Variants in CREM observed in about 807,000 individuals in gnomAD.
CREM encodes the protein cAMP responsive element modulator.
A neutral mutation model predicts 37.3 loss-of-function variants in CREM; 13 were observed. That is an observed-to-expected ratio of 0.35 (90% CI 0.23 to 0.55). The LOEUF (loss-of-function observed/expected upper bound fraction) is 0.55, where lower values mean the gene tolerates loss of function less well. Ranked by LOEUF, CREM falls within the 20% of genes least tolerant of loss-of-function variation. The pLI is 0.88. For missense variants in CREM, 296 were observed against 362.3 expected, an observed-to-expected ratio of 0.82 and a Z score of 1.49; for synonymous variants, 124 against 120.2, an observed-to-expected ratio of 1.03 and a Z score of -0.21.
rs376837898 is a variant in CREM, at chr10:35,207,667, G to A, written c.755+616G>A. Among the ~76,000 whole-genome samples the A allele has an allele frequency of 2.6e-4, 39 of 152,012 alleles. 1 individual carries two copies. In the South Asian group the frequency reaches 6.8e-3, roughly 27 times the overall value. ...TGTGCACCTGTAATCCCAGCTACTC[G>A]GGAGGCTGAGGCAAGAGAATCACTT... On this transcript the variant is annotated intron_variant, in intron 7 of 7. Coordinates refer to ENST00000685392, the MANE Select transcript of CREM (RefSeq NM_183011.2).
At chr10:35,137,758 T>A (rs1283373385) in intron 1 of CREM, 24 bp from the exon 2 acceptor site, 2 of 1,130,702 alleles carry the variant, frequency 1.8e-6, no homozygotes, top group African/African-American at 3.2e-5. Context: ...GATCTCCCAA[T>A]TCAACATTAT....
At chr10:35,195,765 G>C in intron 6 of CREM, 1 of 466,422 alleles carries the variant, frequency 2.1e-6, no homozygotes, top group East Asian at 4.0e-5. Context: ...AGCTAATTGA[G>C]TTCAAAAGGC....
intron 3 of CREM, among the ~76,000 whole-genome samples, chr10:35,177,355 CAAG>C (rs1265717105): frequency 6.6e-6 from 1 of 152,160 alleles, no homozygotes; most frequent in African/African-American, 2.4e-5. Context: ...AATTATAAAA[CAAG>C]AAAGTCTTTC....
At chr10:35,159,305 A>G (rs1490200427) in intron 3 of CREM, among the ~76,000 whole-genome samples, 1 of 152,182 alleles carries the variant, frequency 6.6e-6, no homozygotes, top group Non-Finnish European at 1.5e-5. Context: ...TGAAGGCATC[A>G]CACTACCTGA....
In CREM at chr10:35,126,872, T is replaced by C. The variant is rs1041304433; in HGVS notation, c.-376T>C. On this transcript the variant is annotated 5_prime_UTR_variant, in exon 1 of 8. Transcript: ENST00000685392. Reference sequence around the variant, plus strand: ...TTGTTGGATTGTGGCGCTTCACTCCTGCTGGCGGCCGGCAGGGGGCGGAGT... The same window carrying C: ...TTGTTGGATTGTGGCGCTTCACTCCCGCTGGCGGCCGGCAGGGGGCGGAGT... 7 of 152,350 alleles carry C rather than the reference T, an allele frequency of 4.6e-5. No homozygotes were observed. Among genetic ancestry groups the C allele is most frequent in the Admixed American group, 2.6e-4 (4 of 15,308 alleles). The allele number at this position is 152,350 out of a possible 1,614,324, so 9.4% of individuals were successfully genotyped here.
At chr10:35,136,532 G>A (rs1403933763) in intron 1 of CREM, among the ~76,000 whole-genome samples, 1 of 152,128 alleles carries the variant, frequency 6.6e-6, no homozygotes, top group Non-Finnish European at 1.5e-5. Context: ...ACTGTCTCTT[G>A]TCCCTATGCT....
chr10:35,148,197 G>A (rs1162893453), intron 2 of CREM, among the ~76,000 whole-genome samples, 171 bp from the exon 3 acceptor site: 3 of 152,134 alleles, frequency 2.0e-5, no homozygotes, highest in Non-Finnish European at 4.4e-5. Context: ...TTGAGCCATA[G>A]CATGAGGTCA....
chr10:35,158,809 G>GTT (rs1320223245), intron 3 of CREM, among the ~76,000 whole-genome samples: 1 of 69,512 alleles, frequency 1.4e-5, no homozygotes, highest in African/African-American at 3.7e-5. Flanking sequence ...TTTTTTTTTT[G>GTT]TTGTTTTGTT....
At chr10:35,209,762 T>TTA (rs1255277657) in intron 7 of CREM, among the ~76,000 whole-genome samples, 1 of 152,196 alleles carries the variant, frequency 6.6e-6, no homozygotes, top group Non-Finnish European at 1.5e-5. Flanking sequence ...TGGAAAAGAG[T>TTA]TAAATTATGT....
At chr10:35,201,516 A>T in intron 6 of CREM, 2 of 1,551,492 alleles carry the variant, frequency 1.3e-6, no homozygotes, top group Non-Finnish European at 1.7e-6. Flanking sequence ...TAGAACCCAG[A>T]CTCCAAACCC....
intron 3 of CREM, among the ~76,000 whole-genome samples, chr10:35,164,444 G>A (rs2093439384): frequency 6.6e-6 from 1 of 152,196 alleles, no homozygotes; most frequent in Non-Finnish European, 1.5e-5. Flanking sequence ...ATTTTTTATA[G>A]TTTTATAAGC....
intron 3 of CREM, among the ~76,000 whole-genome samples, chr10:35,151,239 AAAT>A (rs1398339782): frequency 1.3e-5 from 2 of 152,260 alleles, no homozygotes; most frequent in African/African-American, 4.8e-5. Flanking sequence ...TAAAAATCTC[AAAT>A]AATGTTGTAT....
At chr10:35,202,731 C>T (rs747520290) in intron 6 of CREM, among the ~76,000 whole-genome samples, 13 of 152,088 alleles carry the variant, frequency 8.5e-5, no homozygotes, top group South Asian at 2.1e-4. Context: ...TGAACTAATG[C>T]GCTTGTCATT....
chr10:35,154,174 A>G lies in CREM; in HGVS notation c.168+5683A>G, dbSNP rs1176945702. On this transcript the variant is annotated intron_variant, in intron 3 of 7. Transcript: ENST00000685392. ...GGAAATGTTGTCATGTGCGAGTTGT[A>G]AATTTTCTTTTTTAATCTGGTGGAA... The G allele has an allele frequency of 1.5e-5, 6 of 398,274 alleles. No homozygotes were observed. The East Asian group carries it at 1.8e-4, about 12-fold the overall frequency. The allele number at this position is 398,274 out of a possible 1,614,324, so 24.7% of individuals were successfully genotyped here.
chr10:35,157,863 C>A (rs2093014457), intron 3 of CREM, among the ~76,000 whole-genome samples: 1 of 136,582 alleles, frequency 7.3e-6, no homozygotes, highest in African/African-American at 2.5e-5. Context: ...CCAGAAAAAC[C>A]TGTTAGATCT....
At chr10:35,129,973 G>A (rs571533874) in intron 1 of CREM, among the ~76,000 whole-genome samples, 18 of 152,096 alleles carry the variant, frequency 1.2e-4, no homozygotes, top group African/African-American at 3.9e-4. Context: ...GAGGCAGGCG[G>A]ATCGCCTGAG....
intron 5 of CREM, among the ~76,000 whole-genome samples, chr10:35,187,459 C>G (rs1291218151): frequency 2.7e-5 from 4 of 149,630 alleles, no homozygotes; most frequent in African/African-American, 4.9e-5. Flanking sequence ...GGGGTTTCAC[C>G]ATATTGATCA....
At chr10:35,172,717 G>A (rs1315384915) in intron 3 of CREM, among the ~76,000 whole-genome samples, 3 of 150,390 alleles carry the variant, frequency 2.0e-5, no homozygotes, top group Non-Finnish European at 4.4e-5. Flanking sequence ...GCACCCCCCC[G>A]CTGCGTCCTG....
intron 2 of CREM, among the ~76,000 whole-genome samples, chr10:35,139,498 A>G (rs897290855): frequency 6.6e-6 from 1 of 152,090 alleles, no homozygotes; most frequent in South Asian, 2.1e-4. Context: ...TTGTTAATTT[A>G]TAGTGCTTAG....
Sources: allele counts gnomAD v4.1 joint callset (sites outside exome capture counted in the v4.1 genomes callset), GRCh38; gene constraint gnomAD v4.1.1; transcripts MANE v1.5; gene names NCBI Gene and HGNC (gene_info 2026-07-23, HGNC 2026-07-21).